Variants in LMNTD1 observed in about 807,000 individuals in gnomAD.
The protein encoded by LMNTD1 is lamin tail domain containing 1, also known as lamin tail domain-containing protein 1.
LMNTD1 carries 35 observed loss-of-function variants against 50.9 expected under a neutral mutation model. The observed-to-expected ratio is 0.69, with a 90% CI of 0.53 to 0.91. The LOEUF (loss-of-function observed/expected upper bound fraction) is 0.91, where lower values mean the gene tolerates loss of function less well. LMNTD1 is among the 40% of genes least tolerant of loss of function. LMNTD1 has a pLI of 0.00. For synonymous variants in LMNTD1, 153 were observed against 161.9 expected (o/e 0.94, Z 0.42); for missense variants, 470 against 475.5 (o/e 0.99, Z 0.11).
chr12:25,559,131 G>A (rs928852505), intron 1 of LMNTD1, among the ~76,000 whole-genome samples: 4 of 151,616 alleles, frequency 2.6e-5, no homozygotes, highest in Non-Finnish European at 5.9e-5. Context: ...ATGCCATGTC[G>A]GTATGCTGCA....
chr12:25,526,667 C>T, intron 5 of LMNTD1, 102 bp downstream of exon 5: 1 of 758,488 alleles, frequency 1.3e-6, no homozygotes, highest in Non-Finnish European at 2.1e-6. Flanking sequence ...CGTACAGATC[C>T]AGATAGAGTG....
intron 1 of LMNTD1, among the ~76,000 whole-genome samples, chr12:25,621,314 C>T (rs1047347740): frequency 2.6e-5 from 4 of 152,058 alleles, no homozygotes; most frequent in Non-Finnish European, 5.9e-5. Flanking sequence ...AACCATGAAC[C>T]CCTGGGATCA....
intron 8 of LMNTD1, among the ~76,000 whole-genome samples, chr12:25,511,132 T>G (rs1266167141): frequency 1.3e-5 from 2 of 152,136 alleles, no homozygotes; most frequent in Admixed American, 1.3e-4. Flanking sequence ...TTTGAAGAAC[T>G]GAAAGAACTT....
chr12:25,547,062 TA>T (rs1351016890), intron 3 of LMNTD1, among the ~76,000 whole-genome samples: 3 of 151,696 alleles, frequency 2.0e-5, no homozygotes, highest in Non-Finnish European at 4.4e-5. Context: ...AATACTTTAT[TA>T]GAAAGATAAA....
At chr12:25,597,665 G>T (rs1274467426) in intron 1 of LMNTD1, among the ~76,000 whole-genome samples, 1 of 152,050 alleles carries the variant, frequency 6.6e-6, no homozygotes, top group African/African-American at 2.4e-5. Flanking sequence ...AATATTTACA[G>T]AACTTTTCAC....
At chr12:25,581,805 C>A (rs566223126) in intron 1 of LMNTD1, among the ~76,000 whole-genome samples, 115 of 152,252 alleles carry the variant, frequency 7.6e-4, no homozygotes, top group African/African-American at 2.7e-3. Flanking sequence ...AGGCTACAAA[C>A]CTGTATAGCA....
At chr12:25,596,528 C>T (rs570125179) in intron 1 of LMNTD1, among the ~76,000 whole-genome samples, 1 of 152,088 alleles carries the variant, frequency 6.6e-6, no homozygotes, top group South Asian at 2.1e-4. Context: ...GCCAGCATTC[C>T]TTTATGCCAC....
At chr12:25,540,769 AAAGAGGAAGTC>A (rs1943009747) in intron 4 of LMNTD1, among the ~76,000 whole-genome samples, 1 of 136,200 alleles carries the variant, frequency 7.3e-6, no homozygotes, top group Non-Finnish European at 1.6e-5. Flanking sequence ...TCAATTAGGA[AAAGAGGAAGTC>A]AAACTGTCCC....
At chr12:25,528,498 A>G (rs1353766130) in intron 4 of LMNTD1, among the ~76,000 whole-genome samples, 1 of 152,196 alleles carries the variant, frequency 6.6e-6, no homozygotes, top group African/African-American at 2.4e-5. Context: ...GTCTCCAACC[A>G]CCTGGGCCCT....
chr12:25,525,135 C>A (rs715824), intron 6 of LMNTD1, among the ~76,000 whole-genome samples: 21,537 of 152,080 alleles, frequency 0.14, 1,605 homozygotes, highest in East Asian at 0.2. Flanking sequence ...AAAAAGGATT[C>A]ACTTTTTTGT....
chr12:25,561,642 A>G (rs1273098473), intron 1 of LMNTD1, among the ~76,000 whole-genome samples: 1 of 152,190 alleles, frequency 6.6e-6, no homozygotes, highest in African/African-American at 2.4e-5. Flanking sequence ...AGAGTTCTGT[A>G]GATGTCTATT....
At chr12:25,542,670 A>T in intron 4 of LMNTD1, among the ~76,000 whole-genome samples, 1 of 151,858 alleles carries the variant, frequency 6.6e-6, no homozygotes, top group East Asian at 1.9e-4. Context: ...ATGTATACAT[A>T]TGTAACTAAC....
rs372400851 is a variant in LMNTD1 at position 25,593,203 on chromosome 12, AC to A, written c.59-46650del. 3.6e-3 allele frequency among the ~76,000 whole-genome samples: 548 copies of A among 152,114 alleles called. 1 individual carries two copies. Among genetic ancestry groups the A allele is most frequent in the Non-Finnish European group, 5.1e-3 (346 of 67,982 alleles). ...CTAGGGCCCCACTCACCACCATACT[AC>A]CATAGCTAATGCTCTACTGAAAGCT... On this transcript the variant is annotated intron_variant, in intron 1 of 7. Transcript: ENST00000445693.
At chr12:25,627,249 T>C (rs371415965) in intron 1 of LMNTD1, among the ~76,000 whole-genome samples, 1 of 152,248 alleles carries the variant, frequency 6.6e-6, no homozygotes, top group African/African-American at 2.4e-5. Context: ...GTGATGAGGA[T>C]GAGCCTCTGA....
At chr12:25,545,084 T>G (rs1943346705) in intron 4 of LMNTD1, among the ~76,000 whole-genome samples, 1 of 151,764 alleles carries the variant, frequency 6.6e-6, no homozygotes, top group South Asian at 2.1e-4. Context: ...AGGTGTTTTC[T>G]TTTTGAACAT....
chr12:25,555,662 G>A (rs561803829), upstream of LMNTD1, among the ~76,000 whole-genome samples: 28 of 152,170 alleles, frequency 1.8e-4, 1 homozygote, highest in Non-Finnish European at 1.0e-4. Flanking sequence ...ATGATATGAC[G>A]TCCTCTGTTT....
intron 9 of LMNTD1, among the ~76,000 whole-genome samples, chr12:25,502,227 TC>T (rs34604830): frequency 6.6e-6 from 1 of 151,940 alleles, no homozygotes. Context: ...CATAAAAAAT[TC>T]CCCCCCTTTT....
chr12:25,601,212 T>A (rs1339598569), intron 1 of LMNTD1, among the ~76,000 whole-genome samples: 1 of 151,948 alleles, frequency 6.6e-6, no homozygotes, highest in Non-Finnish European at 1.5e-5. Flanking sequence ...AGACAAATAT[T>A]GCATGTTCTC....
Position 25,513,321 on chromosome 12 carries a change from T to C in LMNTD1, c.1189+5474A>G, listed in dbSNP as rs75487701. 0.019 allele frequency among the ~76,000 whole-genome samples: 2,828 copies of C among 152,310 alleles called. 178 individuals carry two copies. The East Asian group carries it at 0.19, about 10-fold the overall frequency. On this transcript the variant is annotated intron_variant, in intron 8 of 9. Coordinates refer to ENST00000458174, the MANE Select transcript of LMNTD1 (RefSeq NM_001145728.2). ...AAGCATTGGAAAGAAAGGATGTCAT[T>C]TGTACACAATTACACAATACAGAGG...
Sources: allele counts gnomAD v4.1 joint callset (sites outside exome capture counted in the v4.1 genomes callset), GRCh38; gene constraint gnomAD v4.1.1; transcripts MANE v1.5; gene names NCBI Gene and HGNC (gene_info 2026-07-23, HGNC 2026-07-21).